CMSS1: variants seen among roughly 807,000 people sequenced by gnomAD.
CMSS1 encodes protein CMSS1.
Under a neutral mutation model 43.5 loss-of-function variants are expected in CMSS1, and 33 were observed. The ratio of observed to expected loss-of-function variants is 0.76; its 90% confidence interval spans 0.57 to 1.01. The LOEUF (loss-of-function observed/expected upper bound fraction) is 1.01. Ranked by LOEUF, CMSS1 falls within the 50% of genes least tolerant of loss-of-function variation. The probability of loss-of-function intolerance (pLI) is 0.00; values close to 1 mark genes in which losing one functional copy is unlikely to be tolerated. For synonymous variants in CMSS1, 115 were observed against 117.2 expected, an observed-to-expected ratio of 0.98 and a Z score of 0.12; for missense variants, 313 against 326.4, an observed-to-expected ratio of 0.96 and a Z score of 0.32.
chr3:100,064,381 C>G (rs768829623), intron 1 of CMSS1, among the ~76,000 whole-genome samples: 48 of 152,112 alleles, frequency 3.2e-4, no homozygotes, highest in Non-Finnish European at 6.5e-4. Context: ...CCAGCTAATC[C>G]TGACCCCCCC....
intron 1 of CMSS1, among the ~76,000 whole-genome samples, chr3:100,054,641 G>A (rs1238122801): frequency 1.3e-5 from 2 of 152,074 alleles, no homozygotes; most frequent in African/African-American, 4.8e-5. Context: ...TGCAGATGTG[G>A]CTCAAAGAAA....
chr3:100,177,270 A>C (rs2067155158), intron 9 of CMSS1, among the ~76,000 whole-genome samples: 1 of 152,250 alleles, frequency 6.6e-6, no homozygotes, highest in African/African-American at 2.4e-5. Flanking sequence ...CAATTTGCTC[A>C]GTTACACACA....
chr3:100,163,322 T>C (rs1219301740), intron 4 of CMSS1, among the ~76,000 whole-genome samples: 1 of 152,198 alleles, frequency 6.6e-6, no homozygotes, highest in Non-Finnish European at 1.5e-5. Context: ...TATGGATTTC[T>C]AGTCATGGTT....
intron 1 of CMSS1, chr3:100,010,076 G>A: frequency 2.2e-6 from 1 of 457,102 alleles, no homozygotes; most frequent in Non-Finnish European, 2.9e-6. Flanking sequence ...GTATATTGAG[G>A]GTTGAGTACC....
intron 1 of CMSS1, among the ~76,000 whole-genome samples, chr3:99,894,639 T>A (rs777959553): frequency 1.3e-5 from 2 of 152,246 alleles, no homozygotes; most frequent in Non-Finnish European, 2.9e-5. Context: ...GTTTACTATC[T>A]TGCAGAAAGA....
intron 1 of CMSS1, among the ~76,000 whole-genome samples, chr3:99,990,116 C>T (rs184014501): frequency 3.3e-5 from 5 of 152,260 alleles, no homozygotes; most frequent in Admixed American, 2.6e-4. Flanking sequence ...CTTATATTTA[C>T]CCAGCAGCTA....
chr3:99,935,604 A>G (rs1707638770), intron 1 of CMSS1, among the ~76,000 whole-genome samples: 1 of 152,132 alleles, frequency 6.6e-6, no homozygotes. Flanking sequence ...GTTTCCTTTG[A>G]CCTCTACCCT....
At chr3:100,048,740 A>G (rs1440257465) in intron 1 of CMSS1, among the ~76,000 whole-genome samples, 1 of 152,190 alleles carries the variant, frequency 6.6e-6, no homozygotes, top group African/African-American at 2.4e-5. Flanking sequence ...GCCCCTGTAC[A>G]TGGACAAAGA....
At chr3:100,138,523 G>T (rs2066774535) in intron 1 of CMSS1, among the ~76,000 whole-genome samples, 1 of 152,116 alleles carries the variant, frequency 6.6e-6, no homozygotes, top group African/African-American at 2.4e-5. Context: ...CAAAAAGTAG[G>T]CAAAGGATAT....
intron 1 of CMSS1, among the ~76,000 whole-genome samples, chr3:99,843,262 T>C (rs1376336623): frequency 6.6e-6 from 1 of 152,252 alleles, no homozygotes; most frequent in Non-Finnish European, 1.5e-5. Context: ...ACAGACCTTG[T>C]AGGTGTCAGA....
chr3:100,097,530 T>G (rs1397069445), intron 1 of CMSS1, among the ~76,000 whole-genome samples: 3 of 152,204 alleles, frequency 2.0e-5, no homozygotes, highest in African/African-American at 7.2e-5. Flanking sequence ...TTTTTAGATA[T>G]TTGATGTCTT....
chr3:99,969,802 G>T (rs73138620), intron 1 of CMSS1, among the ~76,000 whole-genome samples: 86 of 152,250 alleles, frequency 5.6e-4, no homozygotes, highest in South Asian at 3.1e-3. Flanking sequence ...TTATTGGATG[G>T]CTTGTCTAGA....
intron 1 of CMSS1, among the ~76,000 whole-genome samples, chr3:99,982,161 G>A (rs1283065337): frequency 1.3e-5 from 2 of 151,636 alleles, no homozygotes; most frequent in South Asian, 2.1e-4. Context: ...TATATATTTC[G>A]GTATATGTAT....
chr3:100,173,048 T>G (rs574017253), intron 8 of CMSS1, among the ~76,000 whole-genome samples: 103 of 152,336 alleles, frequency 6.8e-4, no homozygotes, highest in Middle Eastern at 6.8e-3. Context: ...TAGAGCTTTT[T>G]TTTTAAATAA....
intron 1 of CMSS1, among the ~76,000 whole-genome samples, chr3:99,893,886 TC>T (rs1376112023): frequency 6.6e-6 from 1 of 152,184 alleles, no homozygotes; most frequent in Non-Finnish European, 1.5e-5. Context: ...AAAATCTGGC[TC>T]CCCCTTTGCC....
At chr3:99,864,274 A>G (rs1944404498) in intron 1 of CMSS1, among the ~76,000 whole-genome samples, 1 of 152,168 alleles carries the variant, frequency 6.6e-6, no homozygotes. Flanking sequence ...GGCCATCATT[A>G]TGGTGGCCCT....
chr3:99,872,269 C>CTCTGTG (rs1457646701), intron 1 of CMSS1, among the ~76,000 whole-genome samples: 1 of 110,740 alleles, frequency 9.0e-6, no homozygotes, highest in African/African-American at 3.4e-5. Flanking sequence ...TGTGCCAGGA[C>CTCTGTG]TGTGTGTGTG....
intron 1 of CMSS1, among the ~76,000 whole-genome samples, chr3:100,013,220 T>G (rs1172901957): frequency 1.4e-5 from 2 of 146,198 alleles, no homozygotes; most frequent in Admixed American, 6.8e-5. Context: ...TGAGGTGTTG[T>G]TGTTGTTGTT....
chr3:99,993,923 G>GT (rs1385496520), intron 1 of CMSS1, among the ~76,000 whole-genome samples: 2 of 152,058 alleles, frequency 1.3e-5, no homozygotes, highest in African/African-American at 4.8e-5. Flanking sequence ...AGGGATATTG[G>GT]TTTATAGTTT....
Sources: allele counts gnomAD v4.1 joint callset (sites outside exome capture counted in the v4.1 genomes callset), GRCh38; gene constraint gnomAD v4.1.1; transcripts MANE v1.5; gene names NCBI Gene and HGNC (gene_info 2026-07-23, HGNC 2026-07-21).